The following OTOA variants were observed in gnomAD, a reference collection of about 807,000 sequenced individuals.
OTOA encodes the protein cancer/testis antigen 108.
OTOA carries 70 observed loss-of-function variants against 110.8 expected under a neutral mutation model. The ratio of observed to expected loss-of-function variants is 0.63; its 90% CI spans 0.52 to 0.77. The LOEUF (loss-of-function observed/expected upper bound fraction) is 0.77. Ranked by LOEUF, OTOA falls within the 30% of genes least tolerant of loss-of-function variation. The pLI, the probability that OTOA is intolerant of heterozygous loss-of-function variation, is 0.00. For missense variants in OTOA, 917 were observed against 1,075.8 expected, an observed-to-expected ratio of 0.85 and a Z score of 2.06; for synonymous variants, 373 against 431.5, an observed-to-expected ratio of 0.86 and a Z score of 1.68.
At position 21,697,770 on chromosome 16, in the gene OTOA, T is replaced by A. The variant is rs752914622; in HGVS notation, c.740-5T>A. 1.3e-5 allele frequency: 21 copies of A among 1,613,554 alleles called. No individual in the cohort carries two copies. The East Asian group carries it at 4.7e-4, about 36-fold the overall frequency. On this transcript the variant is annotated splice_polypyrimidine_tract_variant and splice_region_variant and intron_variant, in intron 9 of 28. Coordinates refer to ENST00000646100, the MANE Select transcript of OTOA (RefSeq NM_144672.4). ...CTCATTTATTCATTTCTTTATTTTT[T>A]GTAGATGACTCTGCTTCATGGGTCA...
intron 11 of OTOA, among the ~76,000 whole-genome samples, chr16:21,701,715 T>C (rs1055449710): frequency 2.0e-5 from 3 of 151,980 alleles, no homozygotes; most frequent in Non-Finnish European, 2.9e-5. Context: ...ACCTCCTGGG[T>C]TCAAGCAATC....
chr16:21,670,862 C>G (rs1045029379), intron 1 of OTOA, among the ~76,000 whole-genome samples: 2 of 152,008 alleles, frequency 1.3e-5, no homozygotes, highest in Non-Finnish European at 2.9e-5. Context: ...TGATCTTAGC[C>G]GGGCAAAGAG....
In OTOA at chr16:21,698,906, A is replaced by G. The variant is rs146414562; in HGVS notation, c.840+1031A>G. On this transcript the variant is annotated intron_variant, in intron 10 of 28. Transcript: ENST00000646100. ...TTTTTATTCGCTAAAAATGTAGAGA[A>G]GGGAGAAGTCAAGAATAACACTGCT... Among the ~76,000 whole-genome samples, 738 of 152,270 alleles carry G rather than the reference A, an allele frequency of 4.8e-3. 5 individuals are homozygous for G. The highest frequency in any genetic ancestry group is 5.9e-3 in the Non-Finnish European group (399 of 68,018).
At chr16:21,679,651 G>A (rs541940587) in intron 5 of OTOA, among the ~76,000 whole-genome samples, 5 of 152,054 alleles carry the variant, frequency 3.3e-5, no homozygotes, top group African/African-American at 9.6e-5. Context: ...GTGATCTGCC[G>A]GCCTCAGCCT....
intron 19 of OTOA, among the ~76,000 whole-genome samples, chr16:21,727,523 G>A (rs956814725): frequency 2.6e-5 from 4 of 152,244 alleles, no homozygotes; most frequent in South Asian, 4.2e-4. Context: ...GACGGTGCCC[G>A]CACATAGGAA....
At chr16:21,684,303 C>A in intron 6 of OTOA, 2 of 1,303,024 alleles carry the variant, frequency 1.5e-6, no homozygotes, top group Non-Finnish European at 9.8e-7. Context: ...CATGACATCA[C>A]ACTGGGCATG....
chr16:21,715,295 T>C (rs1309570405), intron 14 of OTOA, 143 bp downstream of exon 14: 1 of 1,061,144 alleles, frequency 9.4e-7, no homozygotes, highest in Non-Finnish European at 1.4e-6. Context: ...TGCCTTCTCC[T>C]GGTGGCACAC....
Position 21,700,433 on chromosome 16 carries a change from A to G in OTOA, c.841-455A>G, listed in dbSNP as rs560923254. On this transcript the variant is annotated intron_variant, in intron 10 of 28. Transcript: ENST00000646100. ...GCAGTTACAGACCACTAAGAAATCA[A>G]TGACAATGAGGCCAGGCATGGTGGC... Among the ~76,000 whole-genome samples, 54 of 152,284 alleles carry G rather than the reference A, an allele frequency of 3.5e-4. 2 individuals are homozygous for G. The highest frequency in any genetic ancestry group is 1.3e-3 in the African/African-American group (53 of 41,568).
At position 21,665,511 on chromosome 16, in the gene OTOA, C is replaced by G. The variant is rs551271872; in HGVS notation, c.-5+1279C>G. Reference sequence around the variant, plus strand: ...ATCATAACCCCCTCCCTGCCATTCGCTTGCTGTGTGATCGTTCATGTGCAC... The same window carrying G: ...ATCATAACCCCCTCCCTGCCATTCGGTTGCTGTGTGATCGTTCATGTGCAC... On this transcript the variant is annotated intron_variant, in intron 1 of 28. Transcript: ENST00000646100. Among the ~76,000 whole-genome samples the G allele has an allele frequency of 3.3e-5, 5 of 152,232 alleles. No homozygotes were observed. The South Asian group carries it at 8.3e-4, about 25-fold the overall frequency.
chr16:21,707,202 G>T (rs1461672009), intron 12 of OTOA, among the ~76,000 whole-genome samples: 1 of 151,716 alleles, frequency 6.6e-6, no homozygotes, highest in Non-Finnish European at 1.5e-5. Flanking sequence ...AAAAGAATCC[G>T]TCCTAAGCAA....
intron 21 of OTOA, among the ~76,000 whole-genome samples, chr16:21,735,670 T>G (rs1899270162): frequency 1.3e-5 from 2 of 152,178 alleles, no homozygotes; most frequent in Admixed American, 1.3e-4. Context: ...CTCGACTCAC[T>G]ACAACCTCAG....
At chr16:21,711,002 C>A (rs893038972) in intron 13 of OTOA, among the ~76,000 whole-genome samples, 6 of 151,776 alleles carry the variant, frequency 4.0e-5, no homozygotes, top group Non-Finnish European at 7.4e-5. Flanking sequence ...GACTCCATTT[C>A]AAAAAAAATT....
Position 21,678,548 on chromosome 16 carries a change from C to G in OTOA, c.34C>G (p.Leu12Val). The change falls in exon 2 of 29, where the codon CTA (leucine) becomes GTA (valine). Residue 12 changes from leucine to valine, a missense_variant. Leu to Val is a conservative substitution (Grantham distance 32, BLOSUM62 1). Around this residue, in one of 6 missense-constraint regions of OTOA, gnomAD observed 840 missense variants for 910.2 expected, o/e 0.92. Coordinates refer to ENST00000646100, the MANE Select transcript of OTOA (RefSeq NM_144672.4). The part of the protein sequence containing the change: ...SQEPTTYSLF[L>V]FLFLSHGVSS... ...GGAACCTACGACATACTCCCTTTTCCTATTCCTTTTTCTGAGCCATGGAGT... is the reference window on the plus strand; with the variant it reads ...GGAACCTACGACATACTCCCTTTTCGTATTCCTTTTTCTGAGCCATGGAGT... The G allele has an allele frequency of 6.2e-7, 1 of 1,613,796 alleles. No homozygotes were observed. Among genetic ancestry groups the G allele is most frequent in the Non-Finnish European group, 8.5e-7 (1 of 1,179,946 alleles).
At chr16:21,705,372 C>T (rs1472950066) in intron 12 of OTOA, 80 bp downstream of exon 12, 2 of 1,606,068 alleles carry the variant, frequency 1.2e-6, no homozygotes, top group Admixed American at 1.7e-5. Flanking sequence ...CCTAGCTTAG[C>T]CTTTGGGAGA....
intron 1 of OTOA, among the ~76,000 whole-genome samples, chr16:21,672,538 G>A (rs1017488783): frequency 6.6e-6 from 1 of 150,494 alleles, no homozygotes; most frequent in Admixed American, 6.7e-5. Context: ...CAGGAGAATC[G>A]CTTGCACCTG....
intron 19 of OTOA, 109 bp downstream of exon 19, chr16:21,726,767 G>A: frequency 6.9e-7 from 1 of 1,452,180 alleles, no homozygotes; most frequent in Non-Finnish European, 9.6e-7. Context: ...ATGGCCAGAA[G>A]TCTGACTGGT....
At chr16:21,677,631 G>A (rs553022180) in intron 1 of OTOA, among the ~76,000 whole-genome samples, 44 of 151,076 alleles carry the variant, frequency 2.9e-4, no homozygotes, top group East Asian at 2.4e-3. Flanking sequence ...ACAGGCGCCC[G>A]CCACCACGCC....
intron 9 of OTOA, among the ~76,000 whole-genome samples, chr16:21,695,900 T>TTC (rs1897930351): frequency 8.2e-6 from 1 of 121,970 alleles, no homozygotes; most frequent in Non-Finnish European, 1.7e-5. Context: ...TATTTTTTTT[T>TTC]TTTTTTTTTT....
At chr16:21,726,757 A>G (rs1898931374) in intron 19 of OTOA, 99 bp downstream of exon 19, 5 of 1,519,550 alleles carry the variant, frequency 3.3e-6, no homozygotes, top group Non-Finnish European at 4.6e-6. Flanking sequence ...GCCTGCTGTG[A>G]TGGCCAGAAG....
Sources: allele counts gnomAD v4.1 joint callset (sites outside exome capture counted in the v4.1 genomes callset), GRCh38; gene constraint gnomAD v4.1.1; regional missense constraint gnomAD v4.1.1; transcripts MANE v1.5; gene names NCBI Gene and HGNC (gene_info 2026-07-23, HGNC 2026-07-21).